Variants in LRRC72 observed in about 807,000 individuals in gnomAD.
LRRC72 encodes the protein leucine rich repeat containing 72.
LRRC72 carries 41 observed loss-of-function variants against 35.8 expected under a neutral mutation model. The observed-to-expected ratio is 1.15, with a 90% CI of 0.89 to 1.49. The LOEUF is 1.49. LRRC72 is among the 40% of genes most tolerant of loss of function. The probability of loss-of-function intolerance (pLI) is 0.00; values close to 1 mark genes in which losing one functional copy is unlikely to be tolerated. For missense variants in LRRC72, 389 were observed against 330.7 expected (o/e 1.18, Z -1.37); for synonymous variants, 118 against 119.2 (o/e 0.99, Z 0.07).
chr7:16,578,896 T>A (rs1187518907), intron 7 of LRRC72, among the ~76,000 whole-genome samples: 1 of 152,190 alleles, frequency 6.6e-6, no homozygotes, highest in Admixed American at 6.5e-5. Context: ...CCCACTTATA[T>A]ATGGAATCTA....
At chr7:16,567,061 T>G (rs1431185237) in intron 6 of LRRC72, among the ~76,000 whole-genome samples, 1 of 152,144 alleles carries the variant, frequency 6.6e-6, no homozygotes, top group Non-Finnish European at 1.5e-5. Context: ...ATCGGAAACT[T>G]ATGGTTATAC....
chr7:16,572,131 C>T (rs1268463745), intron 7 of LRRC72, among the ~76,000 whole-genome samples: 1 of 152,158 alleles, frequency 6.6e-6, no homozygotes, highest in African/African-American at 2.4e-5. Context: ...CCTGAACAGA[C>T]CAATAACAAG....
At chr7:16,581,237 A>C (rs1475035451) in intron 8 of LRRC72, 87 bp from the exon 9 acceptor site, 3 of 1,198,746 alleles carry the variant, frequency 2.5e-6, no homozygotes, top group Non-Finnish European at 3.4e-6. Flanking sequence ...AAAACATGGC[A>C]TTGATTCATT....
At chr7:16,541,103 G>T (rs1332027967) in intron 3 of LRRC72, among the ~76,000 whole-genome samples, 1 of 152,110 alleles carries the variant, frequency 6.6e-6, no homozygotes, top group African/African-American at 2.4e-5. Flanking sequence ...GGGCCTGAGT[G>T]TTGGAATCAA....
chr7:16,538,316 G>C (rs772477840), intron 3 of LRRC72, among the ~76,000 whole-genome samples: 3 of 152,152 alleles, frequency 2.0e-5, no homozygotes, highest in African/African-American at 4.8e-5. Context: ...GAGAAGCAAA[G>C]TTCTTTGCTT....
At chr7:16,575,580 T>C (rs1190294952) in intron 7 of LRRC72, among the ~76,000 whole-genome samples, 3 of 152,234 alleles carry the variant, frequency 2.0e-5, no homozygotes, top group Non-Finnish European at 2.9e-5. Flanking sequence ...AAAATGAGTA[T>C]AATATCTTGC....
At chr7:16,532,868 A>C (rs1429947512) in intron 2 of LRRC72, 1 of 381,746 alleles carries the variant, frequency 2.6e-6, no homozygotes, top group Non-Finnish European at 4.9e-6. Flanking sequence ...TTAACAAATA[A>C]GTATATAGGA....
At chr7:16,575,935 A>C (rs1042716774) in intron 7 of LRRC72, among the ~76,000 whole-genome samples, 2 of 152,236 alleles carry the variant, frequency 1.3e-5, no homozygotes, top group Non-Finnish European at 1.5e-5. Flanking sequence ...TTGTTTAACC[A>C]GATTGCTGGA....
intron 3 of LRRC72, among the ~76,000 whole-genome samples, chr7:16,548,847 C>A (rs911024810): frequency 6.6e-6 from 1 of 152,212 alleles, no homozygotes; most frequent in East Asian, 1.9e-4. Context: ...TCCCGCAACA[C>A]GATCTCCAAG....
intron 3 of LRRC72, among the ~76,000 whole-genome samples, chr7:16,551,843 G>C (rs1031501878): frequency 6.6e-6 from 1 of 152,174 alleles, no homozygotes; most frequent in Non-Finnish European, 1.5e-5. Flanking sequence ...GTCCAAGGAG[G>C]GGGTAATGGG....
intron 3 of LRRC72, among the ~76,000 whole-genome samples, chr7:16,543,873 C>CTATCACAACTTCTGCACT (rs1782400885): frequency 6.6e-6 from 1 of 152,134 alleles, no homozygotes; most frequent in Non-Finnish European, 1.5e-5. Context: ...ATGGAGATGC[C>CTATCACAACTTCTGCACT]AAGACTAAGG....
chr7:16,565,480 T>C (rs577177910), intron 5 of LRRC72, among the ~76,000 whole-genome samples: 1 of 151,962 alleles, frequency 6.6e-6, no homozygotes, highest in African/African-American at 2.4e-5. Context: ...TTATTTCACA[T>C]TGTATTGAAA....
chr7:16,554,740 T>C (rs186217145), intron 3 of LRRC72, among the ~76,000 whole-genome samples: 12 of 152,302 alleles, frequency 7.9e-5, no homozygotes, highest in Non-Finnish European at 1.3e-4. Context: ...ACCGCAATCC[T>C]ATAATCCCTA....
At chr7:16,551,045 G>A (rs958245624) in intron 3 of LRRC72, among the ~76,000 whole-genome samples, 4 of 152,130 alleles carry the variant, frequency 2.6e-5, no homozygotes, top group African/African-American at 9.7e-5. Flanking sequence ...GAATGTGGCT[G>A]TATGTGGAAA....
chr7:16,567,284 T>A (rs1388276647), intron 6 of LRRC72, 107 bp from the exon 7 acceptor site: 1 of 833,730 alleles, frequency 1.2e-6, no homozygotes, highest in African/African-American at 1.7e-5. Context: ...GATGTTCTCA[T>A]ATATCATAGT....
chr7:16,550,298 G>A (rs1420613871), intron 3 of LRRC72, among the ~76,000 whole-genome samples: 2 of 152,072 alleles, frequency 1.3e-5, no homozygotes, highest in Non-Finnish European at 1.5e-5. Context: ...AATAACATAC[G>A]GCAAATCACA....
intron 3 of LRRC72, among the ~76,000 whole-genome samples, chr7:16,540,388 G>A (rs1338452932): frequency 2.6e-5 from 4 of 152,124 alleles, no homozygotes; most frequent in Admixed American, 2.0e-4. Context: ...TAACTAAATT[G>A]CTCTTCATTT....
rs74533776 is a variant in LRRC72, at chr7:16,560,305, A to C, written c.427+1306A>C. On this transcript the variant is annotated intron_variant, in intron 5 of 8. Coordinates refer to ENST00000401542, the MANE Select transcript of LRRC72 (RefSeq NM_001195280.2). ...GAAAGTTCTAATCAGATAAATGTAC[A>C]GAGAGTTACTAAGGTTTCCATATAT... Among the ~76,000 whole-genome samples the C allele has an allele frequency of 6.4e-3, 972 of 152,298 alleles. 5 individuals carry two copies. The highest frequency in any genetic ancestry group is 0.022 in the African/African-American group (913 of 41,554).
intron 1 of LRRC72, chr7:16,530,425 A>T (rs1369445841): frequency 6.6e-6 from 1 of 152,126 alleles, no homozygotes; most frequent in East Asian, 1.9e-4. Context: ...GGCGAGGGTG[A>T]TCTTGTTTAC....
Sources: allele counts gnomAD v4.1 joint callset (sites outside exome capture counted in the v4.1 genomes callset), GRCh38; gene constraint gnomAD v4.1.1; transcripts MANE v1.5; gene names NCBI Gene and HGNC (gene_info 2026-07-23, HGNC 2026-07-21).